Variants in NLRP11 observed in about 807,000 individuals in gnomAD.
NLRP11 encodes the protein NLR family pyrin domain containing 11.
NLRP11 carries 53 observed loss-of-function variants against 79.3 expected under a neutral mutation model. That is an observed-to-expected ratio of 0.67 (90% CI 0.54 to 0.84). The LOEUF (loss-of-function observed/expected upper bound fraction) is 0.84, where lower values mean the gene tolerates loss of function less well. NLRP11 is among the 40% of genes least tolerant of loss of function. NLRP11 has a pLI of 0.00. For synonymous variants in NLRP11, 518 were observed against 462.6 expected, an observed-to-expected ratio of 1.12 and a Z score of -1.54; for missense variants, 1,264 against 1,255.0, an observed-to-expected ratio of 1.01 and a Z score of -0.11.
At chr19:55,835,479 T>C (rs900740653), upstream of NLRP11, among the ~76,000 whole-genome samples, 2 of 137,200 alleles carry the variant, frequency 1.5e-5, no homozygotes, top group Non-Finnish European at 3.2e-5. Flanking sequence ...GGCGGGCAGA[T>C]CACTTGAGGT....
At chr19:55,808,153 G>A in intron 3 of NLRP11, 139 bp from the exon 4 acceptor site, 2 of 565,332 alleles carry the variant, frequency 3.5e-6, no homozygotes, top group South Asian at 2.7e-5. Context: ...AATAAAGTAG[G>A]GTCAAACATG....
intron 1 of NLRP11, among the ~76,000 whole-genome samples, chr19:55,823,603 C>T (rs1982028759): frequency 6.9e-6 from 1 of 145,044 alleles, no homozygotes. Context: ...GGCTCGAGAA[C>T]TACGTGAAGA....
At chr19:55,820,039 T>C (rs1981530257) in intron 1 of NLRP11, among the ~76,000 whole-genome samples, 1 of 152,136 alleles carries the variant, frequency 6.6e-6, no homozygotes, top group Admixed American at 6.5e-5. Flanking sequence ...GCACCTATGG[T>C]ACCTGAGTTT....
chr19:55,805,830 G>A (rs1034946960), intron 4 of NLRP11, among the ~76,000 whole-genome samples: 1 of 152,182 alleles, frequency 6.6e-6, no homozygotes, highest in African/African-American at 2.4e-5. Flanking sequence ...ATGAGCCACT[G>A]CACCCGCCCT....
chr19:55,811,561 G>A (rs1370606067), intron 2 of NLRP11, among the ~76,000 whole-genome samples: 3 of 152,114 alleles, frequency 2.0e-5, no homozygotes, highest in Non-Finnish European at 2.9e-5. Flanking sequence ...ATGGATCAAC[G>A]GGCCTGATCC....
At chr19:55,835,150 G>C (rs1180345567), upstream of NLRP11, among the ~76,000 whole-genome samples, 2 of 152,084 alleles carry the variant, frequency 1.3e-5, no homozygotes, top group African/African-American at 4.8e-5. Context: ...TCCTTGATGT[G>C]TATATTTCAA....
chr19:55,830,233 C>G (rs1568647030), intron 1 of NLRP11, among the ~76,000 whole-genome samples: 1 of 152,142 alleles, frequency 6.6e-6, no homozygotes, highest in African/African-American at 2.4e-5. Flanking sequence ...CCAAGTCCAA[C>G]CCTTCCCCAA....
intron 2 of NLRP11, among the ~76,000 whole-genome samples, chr19:55,816,177 C>T (rs1000413219): frequency 2.6e-5 from 4 of 152,108 alleles, no homozygotes; most frequent in African/African-American, 9.7e-5. Flanking sequence ...GACACATAGA[C>T]TGAAAATAAG....
At chr19:55,834,419 AG>A (rs968978708), upstream of NLRP11, among the ~76,000 whole-genome samples, 2 of 152,270 alleles carry the variant, frequency 1.3e-5, no homozygotes, top group Non-Finnish European at 2.9e-5. Context: ...ATCAGATAAA[AG>A]CAAATGAAAA....
At chr19:55,796,080 A>G in exon 6 of NLRP11, 1 of 1,609,216 alleles carries the variant, frequency 6.2e-7, no homozygotes, top group Non-Finnish European at 8.5e-7. Context: ...GCCAACTTAC[A>G]CCAGTGATAT....
intron 7 of NLRP11, 124 bp downstream of exon 7, chr19:55,792,177 C>A: frequency 1.3e-6 from 1 of 776,544 alleles, no homozygotes. Context: ...CTGGGGAGCC[C>A]ATGCTCCCGT....
chr19:55,831,803 G>T (rs373417546), intron 1 of NLRP11, among the ~76,000 whole-genome samples, 160 bp downstream of exon 1: 1 of 149,568 alleles, frequency 6.7e-6, no homozygotes, highest in Non-Finnish European at 1.5e-5. Flanking sequence ...ACTTGAAAAA[G>T]GTAACAGAGC....
intron 1 of NLRP11, among the ~76,000 whole-genome samples, chr19:55,830,257 T>A (rs1262218582): frequency 6.6e-6 from 1 of 152,116 alleles, no homozygotes; most frequent in African/African-American, 2.4e-5. Context: ...CCCAAACTCT[T>A]CCCTCCTTTG....
chr19:55,797,073 G>C (rs1396210957), intron 5 of NLRP11, among the ~76,000 whole-genome samples: 28 of 152,086 alleles, frequency 1.8e-4, no homozygotes. Context: ...TTTTGCTTTA[G>C]TGTCTAGTAC....
At chr19:55,794,802 A>G (rs61063266) in intron 6 of NLRP11, among the ~76,000 whole-genome samples, 36,259 of 152,052 alleles carry the variant, frequency 0.24, 4,360 homozygotes, top group Non-Finnish European at 0.25. Context: ...GCGATATTAC[A>G]TAATATGAAC....
intron 1 of NLRP11, among the ~76,000 whole-genome samples, chr19:55,830,597 C>T (rs1237229556): frequency 1.2e-5 from 1 of 84,904 alleles, no homozygotes; most frequent in African/African-American, 8.7e-5. Context: ...TCTTAGCTTC[C>T]TAAAAAAAAA....
At chr19:55,811,518 C>T (rs1980598307) in intron 2 of NLRP11, among the ~76,000 whole-genome samples, 1 of 151,972 alleles carries the variant, frequency 6.6e-6, no homozygotes, top group African/African-American at 2.4e-5. Flanking sequence ...TGGAATGTGG[C>T]ACACTGGCTC....
intron 4 of NLRP11, among the ~76,000 whole-genome samples, chr19:55,806,066 C>T (rs1384805466): frequency 2.0e-5 from 3 of 152,210 alleles, no homozygotes; most frequent in Non-Finnish European, 2.9e-5. Context: ...CTTTACTTTA[C>T]CTTCTAGCCT....
At chr19:55,813,664 G>A (rs1217863439) in intron 2 of NLRP11, among the ~76,000 whole-genome samples, 2 of 152,138 alleles carry the variant, frequency 1.3e-5, no homozygotes, top group African/African-American at 4.8e-5. Context: ...TACCTCATGA[G>A]GAAGGGACAG....
Sources: allele counts gnomAD v4.1 joint callset (sites outside exome capture counted in the v4.1 genomes callset), GRCh38; gene constraint gnomAD v4.1.1; transcripts MANE v1.5; gene names NCBI Gene and HGNC (gene_info 2026-07-23, HGNC 2026-07-21).